Variants in PCCA observed in about 807,000 individuals in gnomAD.
PCCA encodes propionyl-CoA carboxylase alpha chain, mitochondrial.
A neutral mutation model predicts 101.3 loss-of-function variants in PCCA; 74 were observed. That is an observed-to-expected ratio of 0.73 (90% CI 0.61 to 0.89). PCCA has a LOEUF of 0.89. Ranked by LOEUF, PCCA falls within the 40% of genes least tolerant of loss-of-function variation. The pLI is 0.00. For missense variants in PCCA, 891 were observed against 907.0 expected (o/e 0.98, Z 0.23); for synonymous variants, 294 against 313.6 (o/e 0.94, Z 0.66).
chr13:100,298,475 G>A (rs1286262650), intron 12 of PCCA, among the ~76,000 whole-genome samples: 1 of 152,132 alleles, frequency 6.6e-6, no homozygotes, highest in Non-Finnish European at 1.5e-5. Flanking sequence ...TCAGACTTCT[G>A]TAGTTACATT....
At chr13:100,516,696 C>T (rs550898989) in intron 22 of PCCA, among the ~76,000 whole-genome samples, 3 of 151,512 alleles carry the variant, frequency 2.0e-5, no homozygotes, top group Non-Finnish European at 2.9e-5. Flanking sequence ...TGTCTAATGC[C>T]CACGTGTTAA....
intron 4 of PCCA, 142 bp from the exon 5 acceptor site, chr13:100,154,837 C>A: frequency 1.4e-6 from 1 of 692,460 alleles, no homozygotes. Flanking sequence ...TGCATTGTTG[C>A]TTTTTAGTGC....
intron 8 of PCCA, among the ~76,000 whole-genome samples, chr13:100,255,720 T>C (rs563850661): frequency 6.6e-6 from 1 of 152,334 alleles, no homozygotes; most frequent in African/African-American, 2.4e-5. Flanking sequence ...GATTATTTTA[T>C]GCTTGTTATT....
In PCCA at chr13:100,401,444, A is replaced by G. The variant is rs1192642030; in HGVS notation, c.1747-24189A>G. On this transcript the variant is annotated intron_variant, in intron 19 of 23. Coordinates refer to ENST00000376285, the MANE Select transcript of PCCA (RefSeq NM_000282.4). ...TTTTTAGTAGAGATGGGGTTTCACT[A>G]TGTTGGTCAGGCTGCTTTCGAACTC... Among the ~76,000 whole-genome samples the G allele has an allele frequency of 3.9e-5, 6 of 152,156 alleles. 1 individual carries two copies. Among genetic ancestry groups the G allele is most frequent in the Admixed American group, 3.3e-4 (5 of 15,278 alleles).
chr13:100,515,923 A>G (rs2086804394), intron 22 of PCCA, among the ~76,000 whole-genome samples: 1 of 152,172 alleles, frequency 6.6e-6, no homozygotes, highest in Admixed American at 6.5e-5. Context: ...AGGGAATAAT[A>G]CTCCGATGAG....
chr13:100,263,508 T>C (rs956471729), intron 10 of PCCA, among the ~76,000 whole-genome samples: 20 of 152,210 alleles, frequency 1.3e-4, no homozygotes, highest in African/African-American at 4.8e-4. Context: ...CCTTATATTT[T>C]CTGACAGGGG....
At chr13:100,291,522 T>G (rs1167831381) in intron 12 of PCCA, among the ~76,000 whole-genome samples, 2 of 152,242 alleles carry the variant, frequency 1.3e-5, no homozygotes, top group East Asian at 3.8e-4. Context: ...TCTCCTGTCC[T>G]TCAGCAGCTC....
chr13:100,289,785 A>C (rs1013428150), intron 12 of PCCA, among the ~76,000 whole-genome samples: 1 of 152,128 alleles, frequency 6.6e-6, no homozygotes, highest in African/African-American at 2.4e-5. Flanking sequence ...ATAATTTAAT[A>C]CTTCTAAGCT....
At chr13:100,094,788 A>C (rs1029292434) in intron 1 of PCCA, among the ~76,000 whole-genome samples, 9 of 152,170 alleles carry the variant, frequency 5.9e-5, no homozygotes, top group Non-Finnish European at 1.3e-4. Flanking sequence ...GGGTTTCACC[A>C]TGTCGGCCTG....
At chr13:100,433,363 C>T (rs1026420947) in intron 20 of PCCA, among the ~76,000 whole-genome samples, 11 of 152,146 alleles carry the variant, frequency 7.2e-5, no homozygotes, top group Non-Finnish European at 1.2e-4. Context: ...TGGAGCAGGA[C>T]TTATCTAGAT....
At chr13:100,496,261 CAAAAG>C (rs1026485294) in intron 21 of PCCA, among the ~76,000 whole-genome samples, 1 of 152,142 alleles carries the variant, frequency 6.6e-6, no homozygotes, top group Non-Finnish European at 1.5e-5. Flanking sequence ...GTCTTTAAAG[CAAAAG>C]AAAAAGAAGT....
At chr13:100,376,443 G>A (rs745653841) in intron 19 of PCCA, among the ~76,000 whole-genome samples, 2 of 152,182 alleles carry the variant, frequency 1.3e-5, no homozygotes, top group African/African-American at 2.4e-5. Flanking sequence ...CTGAAGCTGC[G>A]CCCACAGCTG....
At chr13:100,296,882 T>C (rs1404482338) in intron 12 of PCCA, among the ~76,000 whole-genome samples, 3 of 152,212 alleles carry the variant, frequency 2.0e-5, no homozygotes, top group African/African-American at 4.8e-5. Context: ...ATTAATGCCT[T>C]TTGTGGTAAA....
rs539461089 is a variant in PCCA at position 100,257,693 on chromosome 13, A to G, written c.716+20A>G. 3.8e-6 allele frequency: 6 copies of G among 1,583,480 alleles called. No homozygotes were observed. The South Asian group carries it at 4.4e-5, about 12-fold the overall frequency. ...GACCAGGTGAGAGGCTGTCCAAAAT[A>G]TACTTTTGATGAAAATTGCAGTTAC... On this transcript the variant is annotated intron_variant, in intron 9 of 23. Coordinates refer to ENST00000376285, the MANE Select transcript of PCCA (RefSeq NM_000282.4).
intron 12 of PCCA, among the ~76,000 whole-genome samples, chr13:100,294,574 T>C (rs780593580): frequency 6.6e-6 from 1 of 152,212 alleles, no homozygotes; most frequent in Non-Finnish European, 1.5e-5. Flanking sequence ...TAGTCTATTC[T>C]AAACATTCTG....
intron 7 of PCCA, among the ~76,000 whole-genome samples, chr13:100,212,409 C>A (rs1477533118): frequency 3.9e-5 from 6 of 152,154 alleles, no homozygotes; most frequent in Admixed American, 3.9e-4. Flanking sequence ...ACTTCCTGAT[C>A]CATTAAGAAA....
At chr13:100,251,702 G>A (rs972910578) in intron 8 of PCCA, among the ~76,000 whole-genome samples, 2 of 152,160 alleles carry the variant, frequency 1.3e-5, no homozygotes, top group Non-Finnish European at 2.9e-5. Flanking sequence ...TTTCTGTGAG[G>A]AAATTTAATG....
intron 20 of PCCA, among the ~76,000 whole-genome samples, chr13:100,445,044 G>GGTCC (rs2080720963): frequency 2.6e-5 from 4 of 152,262 alleles, no homozygotes; most frequent in Admixed American, 1.3e-4. Flanking sequence ...GGCATCTGAT[G>GGTCC]AGGACCTCAG....
chr13:100,437,021 G>A (rs530988101), intron 20 of PCCA, among the ~76,000 whole-genome samples: 1 of 152,244 alleles, frequency 6.6e-6, no homozygotes, highest in African/African-American at 2.4e-5. Context: ...GCCTCTGTTT[G>A]CTCTGGGTAG....
Sources: allele counts gnomAD v4.1 joint callset (sites outside exome capture counted in the v4.1 genomes callset), GRCh38; gene constraint gnomAD v4.1.1; transcripts MANE v1.5; gene names NCBI Gene and HGNC (gene_info 2026-07-23, HGNC 2026-07-21).